TLE4: variants seen among roughly 807,000 people sequenced by gnomAD.
TLE4 encodes the protein transducin-like enhancer protein 4.
Under a neutral mutation model 92.8 loss-of-function variants are expected in TLE4, and 8 were observed. The ratio of observed to expected loss-of-function variants is 0.09; its 90% CI spans 0.05 to 0.16. TLE4 has a LOEUF of 0.16. Ranked by LOEUF, TLE4 falls within the 10% of genes least tolerant of loss-of-function variation. TLE4 has a pLI of 1.00. For synonymous variants in TLE4, 371 were observed against 374.1 expected, an observed-to-expected ratio of 0.99 and a Z score of 0.10; for missense variants, 675 against 997.6, an observed-to-expected ratio of 0.68 and a Z score of 4.36.
At chr9:79,601,372 G>A (rs2045611929) in intron 4 of TLE4, 1 of 456,514 alleles carries the variant, frequency 2.2e-6, no homozygotes, top group African/African-American at 2.0e-5. Flanking sequence ...TTAGCTACAG[G>A]CATACCTTGT....
chr9:79,592,743 C>G (rs1421084808), intron 4 of TLE4, among the ~76,000 whole-genome samples: 2 of 152,162 alleles, frequency 1.3e-5, no homozygotes, highest in Non-Finnish European at 2.9e-5. Context: ...ATCATTGAAA[C>G]TCTTTGTTGC....
chr9:79,598,756 C>T (rs759879638), intron 4 of TLE4, among the ~76,000 whole-genome samples: 5 of 152,106 alleles, frequency 3.3e-5, no homozygotes, highest in Admixed American at 6.6e-5. Flanking sequence ...CCTCCTCACT[C>T]TTAGATTTCC....
intron 4 of TLE4, 25 bp from the exon 5 acceptor site, chr9:79,612,631 C>T (rs770864015): frequency 6.2e-7 from 1 of 1,606,166 alleles, no homozygotes; most frequent in South Asian, 1.1e-5. Context: ...CTCTTTATTG[C>T]TTTCCTTTCC....
rs2075837793 is a variant in TLE4, at chr9:79,722,742, T to C, written c.2137+141T>C. 4.2e-5 allele frequency: 47 copies of C among 1,108,286 alleles called. 1 individual carries two copies. The South Asian group carries it at 7.4e-4, about 17-fold the overall frequency. The allele number at this position is 1,108,286 out of a possible 1,614,324, so 68.7% of individuals were successfully genotyped here. A position where few individuals can be genotyped will look rare whatever the true frequency, so the allele number is the denominator to read the frequency against. ...CTATTACTTCCTGATACATGCCTGC[T>C]TCCCCAACACCATGTAATTTTCTGG... On this transcript the variant is annotated intron_variant, in intron 18 of 19. Coordinates refer to ENST00000376552, the MANE Select transcript of TLE4 (RefSeq NM_007005.6).
intron 5 of TLE4, among the ~76,000 whole-genome samples, chr9:79,615,875 G>A (rs558162434): frequency 2.0e-5 from 3 of 152,186 alleles, no homozygotes; most frequent in Non-Finnish European, 2.9e-5. Flanking sequence ...TGCTTCCAGC[G>A]TTACAGGCAT....
At position 79,655,014 on chromosome 9, in the gene TLE4, C is replaced by T. The variant is rs972660199; in HGVS notation, c.609+939C>T. ...AACATTAGCTGGGCATAGTGGCTTG[C>T]GCCTGTAGCCCCAGCTACTCAGGAG... On this transcript the variant is annotated intron_variant, in intron 8 of 19. Coordinates refer to ENST00000376552, the MANE Select transcript of TLE4 (RefSeq NM_007005.6). 5.9e-5 allele frequency among the ~76,000 whole-genome samples: 9 copies of T among 152,216 alleles called. No homozygotes were observed. The East Asian group carries it at 9.7e-4, about 16-fold the overall frequency.
In TLE4 at chr9:79,647,762, C is replaced by A. The variant is rs551803298; in HGVS notation, c.391-4831C>A. On this transcript the variant is annotated intron_variant, in intron 6 of 19. Coordinates refer to ENST00000376552, the MANE Select transcript of TLE4 (RefSeq NM_007005.6). ...ATACACAGACTTGTGCACACACACA[C>A]GTAGCACATATATATGTATTTAAAA... Among the ~76,000 whole-genome samples the A allele has an allele frequency of 1.5e-3, 233 of 152,004 alleles. 1 individual carries two copies. The highest frequency in any genetic ancestry group is 3.4e-3 in the Middle Eastern group (1 of 294).
chr9:79,671,466 C>T, intron 8 of TLE4: 1 of 334,038 alleles, frequency 3.0e-6, no homozygotes, highest in South Asian at 2.3e-5. Context: ...ATGGACTTCT[C>T]CCTCCAGTGT....
intron 14 of TLE4, 137 bp downstream of exon 14, chr9:79,709,836 C>G: frequency 3.1e-6 from 2 of 636,516 alleles, no homozygotes; most frequent in Non-Finnish European, 5.1e-6. Flanking sequence ...AGGTATTTTT[C>G]ATTTTCTCTT....
At chr9:79,651,276 T>C (rs968472698) in intron 6 of TLE4, among the ~76,000 whole-genome samples, 6 of 152,256 alleles carry the variant, frequency 3.9e-5, no homozygotes, top group African/African-American at 1.4e-4. Flanking sequence ...TTGAAGGGAT[T>C]CCTATTGAGT....
At chr9:79,635,557 T>C (rs992116275) in intron 6 of TLE4, among the ~76,000 whole-genome samples, 4 of 151,976 alleles carry the variant, frequency 2.6e-5, no homozygotes, top group Non-Finnish European at 5.9e-5. Context: ...TGGTAAGATA[T>C]ATGCATTAAG....
rs1365482619 is a variant in TLE4, at chr9:79,679,407, A to C, written c.609+25332A>C. Among the ~76,000 whole-genome samples, 3 of 152,170 alleles carry C rather than the reference A, an allele frequency of 2.0e-5. No individual in the cohort carries two copies. In the East Asian group the frequency reaches 5.8e-4, roughly 29 times the overall value. On this transcript the variant is annotated intron_variant, in intron 8 of 19. Transcript: ENST00000376552. Reference sequence around the variant, plus strand: ...ATTTTTTCATGTGTTTTTTGGCTGCATAAATGTCTTCTTTTGAGAAGAGTC... The same window carrying C: ...ATTTTTTCATGTGTTTTTTGGCTGCCTAAATGTCTTCTTTTGAGAAGAGTC...
chr9:79,668,009 A>G (rs1055563698), intron 8 of TLE4, among the ~76,000 whole-genome samples: 1 of 152,248 alleles, frequency 6.6e-6, no homozygotes, highest in African/African-American at 2.4e-5. Flanking sequence ...AATAATTCAC[A>G]TAACAAATGA....
chr9:79,661,307 G>A (rs2060503046), intron 8 of TLE4, among the ~76,000 whole-genome samples: 1 of 152,102 alleles, frequency 6.6e-6, no homozygotes, highest in Non-Finnish European at 1.5e-5. Flanking sequence ...TAATACTCTT[G>A]TTCTTCTTTC....
intron 8 of TLE4, among the ~76,000 whole-genome samples, chr9:79,686,226 G>A (rs1243029299): frequency 6.6e-6 from 1 of 152,046 alleles, no homozygotes; most frequent in East Asian, 1.9e-4. Flanking sequence ...GGAACCAAAC[G>A]CCCATGGATA....
Position 79,723,464 on chromosome 9 carries a change from C to CAAAAAAA in TLE4, c.2214+430_2214+431insAAAAAAA. Among the ~76,000 whole-genome samples, 6 of 152,148 alleles carry CAAAAAAA rather than the reference C, an allele frequency of 3.9e-5. No homozygotes were observed. The South Asian group carries it at 1.2e-3, about 32-fold the overall frequency. On this transcript the variant is annotated intron_variant, in intron 19 of 19. Coordinates refer to ENST00000376552, the MANE Select transcript of TLE4 (RefSeq NM_007005.6). ...TGTTATGGAAAAGTTTGATAAAAAT[C>CAAAAAAA]AGTTTTATAAACTTTTATTTTCCCT... is the stretch of plus-strand genomic sequence containing the variant.
At chr9:79,601,342 G>A (rs1198768133) in intron 4 of TLE4, 4 of 455,586 alleles carry the variant, frequency 8.8e-6, no homozygotes, top group Non-Finnish European at 1.8e-5. Context: ...ATTCCTTTAT[G>A]GTTGATATAT....
At chr9:79,663,562 G>C (rs1311983230) in intron 8 of TLE4, 1 of 152,252 alleles carries the variant, frequency 6.6e-6, no homozygotes, top group East Asian at 1.9e-4. Flanking sequence ...ACTGACTCCT[G>C]ATACTCAAAA....
At chr9:79,573,179 C>T (rs1018375730) in intron 1 of TLE4, 15 of 940,434 alleles carry the variant, frequency 1.6e-5, no homozygotes, top group Non-Finnish European at 2.0e-5. Flanking sequence ...GGGAGGGCGC[C>T]CTCGGCAGCG....
Sources: allele counts gnomAD v4.1 joint callset (sites outside exome capture counted in the v4.1 genomes callset), GRCh38; gene constraint gnomAD v4.1.1; transcripts MANE v1.5; gene names NCBI Gene and HGNC (gene_info 2026-07-23, HGNC 2026-07-21).